Variants in OSBPL1A observed in about 807,000 individuals in gnomAD.
The protein encoded by OSBPL1A is oxysterol-binding protein-related protein 1.
OSBPL1A carries 80 observed loss-of-function variants against 137.1 expected under a neutral mutation model. The observed-to-expected ratio is 0.58, with a 90% CI of 0.49 to 0.70. The LOEUF is 0.70. OSBPL1A is among the 30% of genes least tolerant of loss of function. The pLI is 0.00. For missense variants in OSBPL1A, 970 were observed against 1,129.4 expected (o/e 0.86, Z 2.02); for synonymous variants, 365 against 389.7 (o/e 0.94, Z 0.75).
intron 7 of OSBPL1A, among the ~76,000 whole-genome samples, chr18:24,324,612 A>T (rs2090934516): frequency 7.0e-5 from 2 of 28,690 alleles, no homozygotes; most frequent in South Asian, 6.5e-4. Context: ...ATAAAAAAAA[A>T]AAAAAAAAAA....
chr18:24,385,461 A>G (rs930743851), intron 1 of OSBPL1A, among the ~76,000 whole-genome samples: 2 of 152,226 alleles, frequency 1.3e-5, no homozygotes, highest in African/African-American at 2.4e-5. Flanking sequence ...ATTAAAATCA[A>G]TGGAATAAAT....
intron 4 of OSBPL1A, among the ~76,000 whole-genome samples, chr18:24,364,097 G>A (rs1276405701): frequency 6.6e-6 from 1 of 152,134 alleles, no homozygotes; most frequent in Non-Finnish European, 1.5e-5. Context: ...AGTTTTGGGG[G>A]ATTAGGATGT....
chr18:24,187,175 G>A (rs2086771543), intron 18 of OSBPL1A, among the ~76,000 whole-genome samples: 1 of 152,158 alleles, frequency 6.6e-6, no homozygotes, highest in South Asian at 2.1e-4. Context: ...GGTTGCTACA[G>A]ATAAATAAAT....
At chr18:24,393,255 A>T (rs1490500222) in intron 1 of OSBPL1A, among the ~76,000 whole-genome samples, 1 of 152,238 alleles carries the variant, frequency 6.6e-6, no homozygotes, top group Non-Finnish European at 1.5e-5. Flanking sequence ...TTGTGATGAC[A>T]TAAACAAATG....
At chr18:24,397,132 T>C (rs1367144703) in intron 1 of OSBPL1A, among the ~76,000 whole-genome samples, 1 of 152,190 alleles carries the variant, frequency 6.6e-6, no homozygotes, top group Non-Finnish European at 1.5e-5. Flanking sequence ...AAGTGAATTG[T>C]TAAAGTCTAT....
At chr18:24,338,002 T>A (rs891663953) in intron 5 of OSBPL1A, among the ~76,000 whole-genome samples, 1 of 151,908 alleles carries the variant, frequency 6.6e-6, no homozygotes, top group Non-Finnish European at 1.5e-5. Context: ...ATTGGTGAAT[T>A]TGAGTGAAGG....
chr18:24,172,889 T>G (rs916439389), intron 21 of OSBPL1A, among the ~76,000 whole-genome samples: 1 of 152,116 alleles, frequency 6.6e-6, no homozygotes, highest in Non-Finnish European at 1.5e-5. Context: ...AAACTCTGAT[T>G]TTATAATCCT....
chr18:24,204,899 G>T (rs955119673), intron 17 of OSBPL1A, among the ~76,000 whole-genome samples: 2 of 151,994 alleles, frequency 1.3e-5, no homozygotes, highest in Non-Finnish European at 2.9e-5. Flanking sequence ...TCATTGATTT[G>T]TATGTTTCAG....
In OSBPL1A at chr18:24,309,522, A is replaced by G. The variant is rs144122206; in HGVS notation, c.1092+2462T>C. On this transcript the variant is annotated intron_variant, in intron 13 of 27. Coordinates refer to ENST00000319481, the MANE Select transcript of OSBPL1A (RefSeq NM_080597.4). ...ATCAGTTTTGTTGTTAATTCAGATGATTTTAGAGTATATCAGTCCTAGAAT... is the reference window on the plus strand; with the variant it reads ...ATCAGTTTTGTTGTTAATTCAGATGGTTTTAGAGTATATCAGTCCTAGAAT... Among the ~76,000 whole-genome samples, 451 of 152,296 alleles carry G rather than the reference A, an allele frequency of 3.0e-3. 5 individuals carry two copies. In the East Asian group the frequency reaches 0.053, roughly 18 times the overall value.
chr18:24,277,117 G>A (rs1253039584), intron 15 of OSBPL1A, among the ~76,000 whole-genome samples: 1 of 152,108 alleles, frequency 6.6e-6, no homozygotes, highest in African/African-American at 2.4e-5. Flanking sequence ...GCAAACAAGA[G>A]TCCAGAAAGC....
chr18:24,201,699 G>T (rs1024412091), intron 17 of OSBPL1A, among the ~76,000 whole-genome samples: 1 of 152,018 alleles, frequency 6.6e-6, no homozygotes, highest in Non-Finnish European at 1.5e-5. Flanking sequence ...GGAGGCAGAG[G>T]TTGCAGTGAG....
At chr18:24,230,509 G>A (rs1357849694) in intron 16 of OSBPL1A, among the ~76,000 whole-genome samples, 1 of 152,224 alleles carries the variant, frequency 6.6e-6, no homozygotes, top group East Asian at 1.9e-4. Context: ...TAGCTATCAT[G>A]TTGGATGCAT....
intron 14 of OSBPL1A, among the ~76,000 whole-genome samples, chr18:24,298,061 G>C (rs1372164864): frequency 1.3e-5 from 2 of 152,058 alleles, no homozygotes; most frequent in East Asian, 3.9e-4. Flanking sequence ...TGCAGTAAAG[G>C]AGCCGGCCAA....
At chr18:24,311,749 T>C (rs2090623295) in intron 13 of OSBPL1A, among the ~76,000 whole-genome samples, 1 of 152,210 alleles carries the variant, frequency 6.6e-6, no homozygotes, top group Non-Finnish European at 1.5e-5. Flanking sequence ...GCTAAAAAAG[T>C]ACAGTGCCTT....
chr18:24,218,805 T>C (rs1248536430), intron 17 of OSBPL1A, among the ~76,000 whole-genome samples: 2 of 152,122 alleles, frequency 1.3e-5, no homozygotes, highest in African/African-American at 4.8e-5. Context: ...CTAGAGAGTA[T>C]AGTTTAAAGT....
At chr18:24,214,695 G>T (rs138370345) in intron 17 of OSBPL1A, among the ~76,000 whole-genome samples, 1,835 of 152,238 alleles carry the variant, frequency 0.012, 18 homozygotes, top group Non-Finnish European at 0.021. Flanking sequence ...TTTTTAATAG[G>T]CTGTATGTTA....
intron 19 of OSBPL1A, among the ~76,000 whole-genome samples, chr18:24,180,680 C>T (rs939100944): frequency 3.3e-5 from 5 of 152,170 alleles, no homozygotes; most frequent in African/African-American, 4.8e-5. Context: ...CGAGACCATC[C>T]TGGCTAACAC....
chr18:24,349,590 T>C (rs2091403003), intron 4 of OSBPL1A, among the ~76,000 whole-genome samples: 1 of 152,144 alleles, frequency 6.6e-6, no homozygotes, highest in African/African-American at 2.4e-5. Context: ...ACACGACCTA[T>C]TGAAGTGAGC....
chr18:24,181,495 C>T (rs981626059), intron 18 of OSBPL1A, among the ~76,000 whole-genome samples: 2 of 152,144 alleles, frequency 1.3e-5, no homozygotes, highest in African/African-American at 4.8e-5. Flanking sequence ...ACAAAGACTG[C>T]CCAAACATTC....
Sources: gnomAD v4.1 joint callset for allele counts (sites outside exome capture counted in the v4.1 genomes callset) on GRCh38, gnomAD v4.1.1 for gene constraint, MANE v1.5 for transcripts, NCBI Gene and HGNC (gene_info 2026-07-23, HGNC 2026-07-21) for gene names.